The following GALNT17 variants were observed in gnomAD, a reference collection of about 807,000 sequenced individuals.
GALNT17 encodes UDP-GalNAc:polypeptide N-acetylgalactosaminyltransferase-like 3.
In GALNT17, 29 loss-of-function variants were observed where a neutral mutation model predicts 63.7. That is an observed-to-expected ratio of 0.46 (90% CI 0.34 to 0.62). The LOEUF is 0.62. Among genes scored for constraint, GALNT17 ranks in the 20% least tolerant of loss-of-function variants. The pLI, the probability that GALNT17 is intolerant of heterozygous loss-of-function variation, is 0.01. For missense variants in GALNT17, 603 were observed against 799.6 expected (o/e 0.75, Z 2.97); for synonymous variants, 305 against 318.3 (o/e 0.96, Z 0.45).
intron 1 of GALNT17, among the ~76,000 whole-genome samples, chr7:71,314,495 C>T (rs1035454421): frequency 6.6e-6 from 1 of 152,140 alleles, no homozygotes; most frequent in Admixed American, 6.5e-5. Flanking sequence ...AAGGCCACTC[C>T]AAGCGTGATG....
chr7:71,377,357 A>C (rs947611861), intron 2 of GALNT17, among the ~76,000 whole-genome samples: 1 of 151,960 alleles, frequency 6.6e-6, no homozygotes, highest in African/African-American at 2.4e-5. Flanking sequence ...TATTCGGAGA[A>C]TATTCCAAAA....
chr7:71,495,831 G>A (rs1788085068), intron 5 of GALNT17, among the ~76,000 whole-genome samples: 2 of 152,170 alleles, frequency 1.3e-5, no homozygotes, highest in Admixed American at 6.5e-5. Flanking sequence ...GGGAAGAGAG[G>A]ACTCCAGGAG....
At chr7:71,431,452 C>A (rs568134515) in intron 5 of GALNT17, among the ~76,000 whole-genome samples, 14 of 152,150 alleles carry the variant, frequency 9.2e-5, no homozygotes, top group African/African-American at 3.4e-4. Flanking sequence ...TCAAGTGATA[C>A]ACCCTCCTCA....
chr7:71,488,184 A>C (rs1033237759), intron 5 of GALNT17, among the ~76,000 whole-genome samples: 1 of 151,560 alleles, frequency 6.6e-6, no homozygotes, highest in Admixed American at 6.6e-5. Flanking sequence ...AAAAAAAAAA[A>C]AAAAACAGCC....
At chr7:71,617,293 T>G (rs1048330200) in intron 6 of GALNT17, among the ~76,000 whole-genome samples, 24 of 143,786 alleles carry the variant, frequency 1.7e-4, no homozygotes, top group East Asian at 6.0e-4. Context: ...GTATTTTTGG[T>G]TTTTTTTTTG....
intron 6 of GALNT17, among the ~76,000 whole-genome samples, chr7:71,650,862 C>T (rs907688846): frequency 1.3e-5 from 2 of 152,114 alleles, no homozygotes; most frequent in South Asian, 2.1e-4. Flanking sequence ...TATTTTTAAG[C>T]TCTGAGGAAA....
intron 6 of GALNT17, among the ~76,000 whole-genome samples, chr7:71,652,351 AT>A (rs575094939): frequency 1.3e-5 from 2 of 152,140 alleles, no homozygotes; most frequent in Non-Finnish European, 2.9e-5. Context: ...TTGAAATTGA[AT>A]TTTTTAAAAG....
At chr7:71,199,823 A>T (rs1789133844) in intron 1 of GALNT17, among the ~76,000 whole-genome samples, 1 of 152,150 alleles carries the variant, frequency 6.6e-6, no homozygotes, top group Non-Finnish European at 1.5e-5. Context: ...CCATCCATCC[A>T]ACATAACACA....
chr7:71,570,440 C>T (rs955872177), intron 5 of GALNT17, among the ~76,000 whole-genome samples: 1 of 152,150 alleles, frequency 6.6e-6, no homozygotes. Flanking sequence ...CTTCCTCTCT[C>T]CAGTTTCCCA....
rs376771918 is a variant in GALNT17, at chr7:71,397,227, G to A, written c.589+8826G>A. Reference sequence around the variant, plus strand: ...TATACCTTCCTAAGGGTTTATAAAAGCCTCTTCTGGAGAAGACGGCTAAGT... The same window carrying A: ...TATACCTTCCTAAGGGTTTATAAAAACCTCTTCTGGAGAAGACGGCTAAGT... On this transcript the variant is annotated intron_variant, in intron 3 of 10. Transcript: ENST00000333538. Among the ~76,000 whole-genome samples the A allele has an allele frequency of 2.0e-5, 3 of 152,140 alleles. No homozygotes were observed. The East Asian group carries it at 5.8e-4, about 29-fold the overall frequency.
chr7:71,650,029 G>A (rs887087064), intron 6 of GALNT17, among the ~76,000 whole-genome samples: 1 of 152,204 alleles, frequency 6.6e-6, no homozygotes, highest in African/African-American at 2.4e-5. Context: ...GTTTAGTGTG[G>A]CAGAGCCATG....
chr7:71,525,121 C>T (rs962738731), intron 5 of GALNT17, among the ~76,000 whole-genome samples: 1 of 152,130 alleles, frequency 6.6e-6, no homozygotes, highest in African/African-American at 2.4e-5. Flanking sequence ...ACTGCAATTA[C>T]TTTTGCACCA....
At chr7:71,205,829 T>G (rs1214203582) in intron 1 of GALNT17, among the ~76,000 whole-genome samples, 2 of 152,100 alleles carry the variant, frequency 1.3e-5, no homozygotes, top group African/African-American at 4.8e-5. Flanking sequence ...TTCATTGAGT[T>G]AGGATTTAAT....
chr7:71,409,764 C>A (rs888213045), intron 3 of GALNT17, among the ~76,000 whole-genome samples: 1 of 152,166 alleles, frequency 6.6e-6, no homozygotes. Flanking sequence ...GGATTTGCAA[C>A]AGAGAAAGAG....
intron 1 of GALNT17, among the ~76,000 whole-genome samples, chr7:71,290,913 C>T (rs1790967567): frequency 6.6e-6 from 1 of 152,122 alleles, no homozygotes; most frequent in South Asian, 2.1e-4. Flanking sequence ...CGCTCTGTGA[C>T]CCTGGCGACA....
intron 6 of GALNT17, among the ~76,000 whole-genome samples, chr7:71,616,501 T>A (rs1371142980): frequency 6.8e-6 from 1 of 147,384 alleles, no homozygotes; most frequent in Non-Finnish European, 1.5e-5. Flanking sequence ...ATAACTAATA[T>A]ATAAATATTT....
Position 71,712,283 on chromosome 7 carries a change from A to C in GALNT17, c.*137A>C. 1 of 1,227,972 alleles carries C rather than the reference A, an allele frequency of 8.1e-7. No homozygotes were observed. Among genetic ancestry groups the C allele is most frequent in the South Asian group, 1.6e-5 (1 of 63,890 alleles). 76.1% of individuals were successfully genotyped at this position (1,227,972 alleles called of 1,614,324 possible). Reference sequence around the variant, plus strand: ...GGGCCCCCCAGGGCTTCTCCAGGGCAGCACAGGGACCCCGGATGAAGACTC... The same window carrying C: ...GGGCCCCCCAGGGCTTCTCCAGGGCCGCACAGGGACCCCGGATGAAGACTC... On this transcript the variant is annotated 3_prime_UTR_variant, in exon 11 of 11. Transcript: ENST00000333538.
intron 5 of GALNT17, among the ~76,000 whole-genome samples, chr7:71,437,857 G>A (rs942715121): frequency 3.9e-5 from 6 of 152,126 alleles, no homozygotes; most frequent in Admixed American, 1.3e-4. Context: ...TGGGACTACA[G>A]GTGCATGCCA....
chr7:71,211,143 G>A (rs554403287), intron 1 of GALNT17, among the ~76,000 whole-genome samples: 56 of 152,282 alleles, frequency 3.7e-4, no homozygotes, highest in African/African-American at 1.3e-3. Flanking sequence ...TGGTTTGGCT[G>A]TGTCCCCATC....
Sources: allele counts gnomAD v4.1 joint callset (sites outside exome capture counted in the v4.1 genomes callset), GRCh38; gene constraint gnomAD v4.1.1; transcripts MANE v1.5; gene names NCBI Gene and HGNC (gene_info 2026-07-23, HGNC 2026-07-21).